Variants in LRFN2 observed in about 807,000 individuals in gnomAD.
LRFN2 encodes leucine rich repeat and fibronectin type III domain containing 2.
Under a neutral mutation model 37.3 loss-of-function variants are expected in LRFN2, and 18 were observed. The ratio of observed to expected loss-of-function variants is 0.48; its 90% CI spans 0.33 to 0.72. LRFN2 has a LOEUF of 0.72. Ranked by LOEUF, LRFN2 falls within the 30% of genes least tolerant of loss-of-function variation. The pLI is 0.02. For synonymous variants in LRFN2, 556 were observed against 466.6 expected (o/e 1.19, Z -2.47); for missense variants, 1,006 against 1,060.7 (o/e 0.95, Z 0.72).
At chr6:40,422,760 G>A (rs1394949805) in intron 2 of LRFN2, among the ~76,000 whole-genome samples, 4 of 152,044 alleles carry the variant, frequency 2.6e-5, no homozygotes, top group African/African-American at 4.8e-5. Flanking sequence ...GTGTTTTCCT[G>A]GTATGGAATA....
At chr6:40,548,671 T>C (rs1340051721) in intron 1 of LRFN2, among the ~76,000 whole-genome samples, 1 of 152,164 alleles carries the variant, frequency 6.6e-6, no homozygotes, top group Non-Finnish European at 1.5e-5. Flanking sequence ...GCCACAGTGA[T>C]TGAGAGGAAT....
intron 1 of LRFN2, among the ~76,000 whole-genome samples, chr6:40,463,428 G>C (rs760614601): frequency 4.2e-4 from 64 of 151,964 alleles, no homozygotes; most frequent in Non-Finnish European, 7.1e-4. Context: ...GTGGACAGAG[G>C]GACCTAACAA....
At position 40,531,284 on chromosome 6, in the gene LRFN2, C is replaced by T. The variant is rs140435535; in HGVS notation, c.-19+55657G>A. Among the ~76,000 whole-genome samples, 17 of 152,278 alleles carry T rather than the reference C, an allele frequency of 1.1e-4. No individual in the cohort carries two copies. The East Asian group carries it at 1.5e-3, about 14-fold the overall frequency. On this transcript the variant is annotated intron_variant, in intron 1 of 2. Coordinates refer to ENST00000338305, the MANE Select transcript of LRFN2 (RefSeq NM_020737.3). ...CTCAAAGAACATGCAACATAACTTT[C>T]GGTTGTTCATGACTGTTGCTGTGTA...
chr6:40,455,572 C>T (rs529760746), intron 1 of LRFN2, among the ~76,000 whole-genome samples: 165 of 152,320 alleles, frequency 1.1e-3, no homozygotes, highest in African/African-American at 3.9e-3. Context: ...CCCCAGGGCT[C>T]TCAAACAAGC....
At chr6:40,488,304 C>A (rs964962319) in intron 1 of LRFN2, among the ~76,000 whole-genome samples, 1 of 152,024 alleles carries the variant, frequency 6.6e-6, no homozygotes. Flanking sequence ...CCAGACCAGA[C>A]CTTTCTTCTC....
chr6:40,423,769 CCTT>C (rs977609735), intron 2 of LRFN2, among the ~76,000 whole-genome samples: 13 of 152,136 alleles, frequency 8.5e-5, no homozygotes, highest in African/African-American at 2.2e-4. Flanking sequence ...GCTTTCTTGC[CCTT>C]CTTGTTTCCA....
chr6:40,507,591 C>G (rs1386469122), intron 1 of LRFN2, among the ~76,000 whole-genome samples: 1 of 152,122 alleles, frequency 6.6e-6, no homozygotes, highest in African/African-American at 2.4e-5. Flanking sequence ...GTTGGGCAGG[C>G]CGTTGGGACC....
chr6:40,518,077 G>A (rs1009438733), intron 1 of LRFN2, among the ~76,000 whole-genome samples: 4 of 152,218 alleles, frequency 2.6e-5, no homozygotes, highest in Non-Finnish European at 4.4e-5. Context: ...GTCCCAGTCT[G>A]GTCTCTAATT....
At chr6:40,442,498 C>T (rs1321299890) in intron 1 of LRFN2, among the ~76,000 whole-genome samples, 2 of 151,916 alleles carry the variant, frequency 1.3e-5, no homozygotes, top group African/African-American at 4.8e-5. Flanking sequence ...TCCCTGAGGA[C>T]AGGGCTGAGT....
chr6:40,535,459 A>G (rs1157911378), intron 1 of LRFN2, among the ~76,000 whole-genome samples: 1 of 152,122 alleles, frequency 6.6e-6, no homozygotes, highest in Non-Finnish European at 1.5e-5. Flanking sequence ...TGTCCCTGCC[A>G]TTGCCTTGGT....
Position 40,413,404 on chromosome 6 carries a change from G to A in LRFN2, c.1400+18310C>T, listed in dbSNP as rs573776990. On this transcript the variant is annotated intron_variant, in intron 2 of 2. Transcript: ENST00000338305. ...CTCAGCACTGGGCCTGGGCCTGGGT[G>A]GGCCAGGGAGGCAGTGGCTGCAGTA... Among the ~76,000 whole-genome samples the A allele has an allele frequency of 5.0e-4, 76 of 150,900 alleles. 1 individual carries two copies. In the South Asian group the frequency reaches 6.3e-3, roughly 12 times the overall value.
intron 1 of LRFN2, among the ~76,000 whole-genome samples, chr6:40,568,043 C>T (rs145455344): frequency 1.1e-3 from 165 of 152,326 alleles, no homozygotes; most frequent in Non-Finnish European, 1.7e-3. Context: ...TCTTCCCAGA[C>T]GGTCTACAGT....
intron 2 of LRFN2, among the ~76,000 whole-genome samples, chr6:40,415,514 C>T (rs970505133): frequency 1.2e-4 from 19 of 152,268 alleles, no homozygotes; most frequent in Middle Eastern, 3.4e-3. Flanking sequence ...GCATGAGCCA[C>T]GCACCCGGCC....
chr6:40,396,236 G>A (rs1472616187), intron 2 of LRFN2, among the ~76,000 whole-genome samples: 7 of 152,080 alleles, frequency 4.6e-5, no homozygotes. Context: ...AAGAAACTGA[G>A]GCACAGAAAG....
intron 1 of LRFN2, among the ~76,000 whole-genome samples, chr6:40,571,946 G>T (rs559109327): frequency 6.6e-6 from 1 of 152,296 alleles, no homozygotes; most frequent in South Asian, 2.1e-4. Context: ...CTCTCTGGAG[G>T]TTCTGAAGCT....
Position 40,505,797 on chromosome 6 carries a change from G to A in LRFN2, c.-18-72666C>T, listed in dbSNP as rs573668536. ...TGTCTTAAGATCATGCCTCCTGGCA[G>A]GGGTTGGGGGGTCCCACCTGTGACT... On this transcript the variant is annotated intron_variant, in intron 1 of 2. Transcript: ENST00000338305. Among the ~76,000 whole-genome samples the A allele has an allele frequency of 1.4e-4, 21 of 152,354 alleles. No homozygotes were observed. The East Asian group carries it at 3.9e-3, about 28-fold the overall frequency.
intron 1 of LRFN2, among the ~76,000 whole-genome samples, chr6:40,438,836 C>T (rs915028624): frequency 1.3e-5 from 2 of 152,142 alleles, no homozygotes; most frequent in African/African-American, 2.4e-5. Flanking sequence ...CACACATACA[C>T]GTGTTCAGAA....
chr6:40,402,871 A>G (rs1049614587), intron 2 of LRFN2, among the ~76,000 whole-genome samples: 7 of 152,198 alleles, frequency 4.6e-5, no homozygotes, highest in African/African-American at 1.7e-4. Flanking sequence ...TTCGGGACGC[A>G]TGCTCCTGGG....
chr6:40,424,239 A>C (rs1763294596), intron 2 of LRFN2, among the ~76,000 whole-genome samples: 1 of 152,210 alleles, frequency 6.6e-6, no homozygotes. Flanking sequence ...GGAACTTAGA[A>C]GTATGAGACT....
Sources: allele counts gnomAD v4.1 joint callset (sites outside exome capture counted in the v4.1 genomes callset), GRCh38; gene constraint gnomAD v4.1.1; transcripts MANE v1.5; gene names NCBI Gene and HGNC (gene_info 2026-07-23, HGNC 2026-07-21).